Variants in SGCZ observed in about 807,000 individuals in gnomAD.
The protein encoded by SGCZ is sarcoglycan zeta.
SGCZ carries 40 observed loss-of-function variants against 41.3 expected under a neutral mutation model. The ratio of observed to expected loss-of-function variants is 0.97; its 90% CI spans 0.75 to 1.26. SGCZ has a LOEUF of 1.26. Among genes scored for constraint, SGCZ ranks in the 50% most tolerant of loss-of-function variants. The probability of loss-of-function intolerance (pLI) is 0.00; values close to 1 mark genes in which losing one functional copy is unlikely to be tolerated. For synonymous variants in SGCZ, 206 were observed against 137.5 expected (o/e 1.50, Z -3.49); for missense variants, 552 against 369.8 (o/e 1.49, Z -4.04).
chr8:14,488,818 T>C (rs1410948712), intron 2 of SGCZ, among the ~76,000 whole-genome samples: 1 of 152,172 alleles, frequency 6.6e-6, no homozygotes, highest in African/African-American at 2.4e-5. Context: ...TCTTTTGCAA[T>C]AGTCTTAAAT....
intron 2 of SGCZ, among the ~76,000 whole-genome samples, chr8:14,544,260 G>A (rs1006794718): frequency 6.6e-6 from 1 of 152,092 alleles, no homozygotes; most frequent in Admixed American, 6.6e-5. Context: ...TTCATAAGCT[G>A]AGGATGTACA....
intron 3 of SGCZ, among the ~76,000 whole-genome samples, chr8:14,254,217 C>T (rs1799385377): frequency 6.6e-6 from 1 of 151,864 alleles, no homozygotes; most frequent in African/African-American, 2.4e-5. Context: ...GCAGTTAAGG[C>T]AGAATAAAAA....
chr8:14,619,163 C>T (rs2117363705), intron 1 of SGCZ, among the ~76,000 whole-genome samples: 1 of 152,220 alleles, frequency 6.6e-6, no homozygotes, highest in Middle Eastern at 3.4e-3. Flanking sequence ...CGTAATCCAG[C>T]ATATAAACAG....
Position 14,528,940 on chromosome 8 carries a change from A to G in SGCZ, c.234+25792T>C, listed in dbSNP as rs187871182. 5.4e-4 allele frequency among the ~76,000 whole-genome samples: 82 copies of G among 152,112 alleles called. No individual in the cohort carries two copies. The East Asian group carries it at 9.9e-3, about 18-fold the overall frequency. On this transcript the variant is annotated intron_variant, in intron 2 of 7. Transcript: ENST00000382080. ...GATCTCAGACATCATCCACTGCAAT[A>G]TCCTAATTTTACAGATGAATCAGCT...
At chr8:14,263,774 C>A (rs150052898) in intron 3 of SGCZ, among the ~76,000 whole-genome samples, 2,763 of 152,130 alleles carry the variant, frequency 0.018, 39 homozygotes, top group Non-Finnish European at 0.03. Flanking sequence ...AAAAAAGATG[C>A]AATGAAGAGG....
chr8:14,399,474 T>A (rs1409684002), intron 2 of SGCZ, among the ~76,000 whole-genome samples: 1 of 152,122 alleles, frequency 6.6e-6, no homozygotes, highest in Non-Finnish European at 1.5e-5. Context: ...TTGATTTATT[T>A]ATGCCTGGAT....
At chr8:14,132,398 C>T (rs1803069144) in intron 5 of SGCZ, among the ~76,000 whole-genome samples, 1 of 152,164 alleles carries the variant, frequency 6.6e-6, no homozygotes. Flanking sequence ...TTTACAGTGA[C>T]AACTACTTCT....
chr8:14,304,250 C>G (rs1369214060), intron 3 of SGCZ, among the ~76,000 whole-genome samples: 1 of 150,840 alleles, frequency 6.6e-6, no homozygotes, highest in East Asian at 2.0e-4. Flanking sequence ...CGAGACCAGC[C>G]TAGGCAACAT....
At chr8:14,876,079 G>T (rs1430057929) in intron 1 of SGCZ, among the ~76,000 whole-genome samples, 4 of 152,132 alleles carry the variant, frequency 2.6e-5, no homozygotes, top group Non-Finnish European at 5.9e-5. Flanking sequence ...TGTCTCCCCA[G>T]CTCAGTGGTG....
chr8:14,723,493 G>A (rs1273904232), intron 1 of SGCZ, among the ~76,000 whole-genome samples: 1 of 152,108 alleles, frequency 6.6e-6, no homozygotes, highest in Non-Finnish European at 1.5e-5. Flanking sequence ...CAGGCGTGGA[G>A]CTGGGGACCT....
intron 1 of SGCZ, among the ~76,000 whole-genome samples, chr8:14,970,106 T>C (rs2130863176): frequency 6.6e-6 from 1 of 152,258 alleles, no homozygotes; most frequent in South Asian, 2.1e-4. Flanking sequence ...TGATATGTCA[T>C]TGCAGTTTTA....
intron 1 of SGCZ, among the ~76,000 whole-genome samples, chr8:15,009,461 T>C (rs1433240713): frequency 2.6e-5 from 4 of 152,148 alleles, no homozygotes; most frequent in East Asian, 1.9e-4. Context: ...CCGTATCACA[T>C]AGTTTACAAG....
At chr8:15,138,296 A>G (rs1321297451) in intron 1 of SGCZ, among the ~76,000 whole-genome samples, 1 of 152,044 alleles carries the variant, frequency 6.6e-6, no homozygotes, top group African/African-American at 2.4e-5. Flanking sequence ...AGCAAAAGGG[A>G]CTTGTCTTGT....
intron 1 of SGCZ, among the ~76,000 whole-genome samples, chr8:14,908,963 T>C (rs898814919): frequency 6.6e-6 from 1 of 152,286 alleles, no homozygotes; most frequent in East Asian, 1.9e-4. Context: ...TAATTATGCC[T>C]ATGTATTTTA....
intron 1 of SGCZ, among the ~76,000 whole-genome samples, chr8:15,177,604 A>G (rs940064958): frequency 6.6e-6 from 1 of 152,246 alleles, no homozygotes. Context: ...ATTCATTGAT[A>G]AAAAGGAACT....
chr8:15,069,172 G>GTT, intron 1 of SGCZ, among the ~76,000 whole-genome samples: 1 of 152,182 alleles, frequency 6.6e-6, no homozygotes, highest in African/African-American at 2.4e-5. Context: ...CAATACAGAG[G>GTT]TTTTTTTGGG....
chr8:15,189,567 A>AT (rs34139151), intron 1 of SGCZ, among the ~76,000 whole-genome samples: 64,351 of 148,990 alleles, frequency 0.43, 15,847 homozygotes, highest in Non-Finnish European at 0.55. Flanking sequence ...ACCTTGAAGC[A>AT]TTTTTTTTTT....
Position 14,314,908 on chromosome 8 carries a change from G to C in SGCZ, c.336+9195C>G, listed in dbSNP as rs367956527. 3.5e-4 allele frequency among the ~76,000 whole-genome samples: 53 copies of C among 152,256 alleles called. 1 individual carries two copies. In the South Asian group the frequency reaches 0.01, roughly 29 times the overall value. On this transcript the variant is annotated intron_variant, in intron 3 of 7. Transcript: ENST00000382080. ...CATACAACCCCTAGAAGGAGGTTTAGATGAATTATTTGCAAATGTTTGCAA... is the reference window on the plus strand; with the variant it reads ...CATACAACCCCTAGAAGGAGGTTTACATGAATTATTTGCAAATGTTTGCAA...
intron 4 of SGCZ, among the ~76,000 whole-genome samples, chr8:14,204,668 A>G (rs548839733): frequency 6.6e-6 from 1 of 152,276 alleles, no homozygotes; most frequent in African/African-American, 2.4e-5. Context: ...ACACCATCCA[A>G]TCATCAGCGG....
Sources: gnomAD v4.1 joint callset for allele counts (sites outside exome capture counted in the v4.1 genomes callset) on GRCh38, gnomAD v4.1.1 for gene constraint, MANE v1.5 for transcripts, NCBI Gene and HGNC (gene_info 2026-07-23, HGNC 2026-07-21) for gene names.